The following TEX35 variants were observed in gnomAD, a reference collection of about 807,000 sequenced individuals.
The protein encoded by TEX35 is testis expressed 35.
A neutral mutation model predicts 31.9 loss-of-function variants in TEX35; 26 were observed. The observed-to-expected ratio is 0.81, with a 90% CI of 0.60 to 1.13. The LOEUF is 1.13. Ranked by LOEUF, TEX35 falls within the 50% of genes most tolerant of loss-of-function variation. The probability of loss-of-function intolerance (pLI) is 0.00; values close to 1 mark genes in which losing one functional copy is unlikely to be tolerated. For synonymous variants in TEX35, 87 were observed against 90.7 expected (o/e 0.96, Z 0.23); for missense variants, 278 against 273.5 (o/e 1.02, Z -0.12).
Position 178,517,089 on chromosome 1 carries a change from G to A in TEX35, c.276+415G>A, listed in dbSNP as rs190653994. ...CTAATAAAACAGAGCCTGGGCTCAT[G>A]TTCAGATGGTGCTGGGCCCTTGTAG... is the stretch of plus-strand genomic sequence containing the variant. On this transcript the variant is annotated intron_variant, in intron 5 of 8. Coordinates refer to ENST00000319416, the MANE Select transcript of TEX35 (RefSeq NM_032126.5). Among the ~76,000 whole-genome samples, 4 of 152,364 alleles carry A rather than the reference G, an allele frequency of 2.6e-5. No individual in the cohort carries two copies. The East Asian group carries it at 7.7e-4, about 29-fold the overall frequency.
chr1:178,518,612 TA>T (rs1314693008), intron 5 of TEX35, among the ~76,000 whole-genome samples: 3 of 151,784 alleles, frequency 2.0e-5, no homozygotes, highest in Non-Finnish European at 2.9e-5. Flanking sequence ...TCAGCTAGGT[TA>T]AAAAAAATAA....
intron 7 of TEX35, 158 bp downstream of exon 7, chr1:178,521,032 C>T (rs1189079087): frequency 1.9e-6 from 3 of 1,542,044 alleles, no homozygotes; most frequent in African/African-American, 1.4e-5. Context: ...CCTGACCTGC[C>T]TTGCCTTCTA....
chr1:178,516,368 C>A (rs760547846), intron 4 of TEX35, among the ~76,000 whole-genome samples: 4 of 152,234 alleles, frequency 2.6e-5, no homozygotes, highest in Non-Finnish European at 5.9e-5. Context: ...GTGGTTCAAG[C>A]TCCACATGCA....
chr1:178,516,361 G>T (rs1183195036), intron 4 of TEX35, among the ~76,000 whole-genome samples: 1 of 152,240 alleles, frequency 6.6e-6, no homozygotes, highest in Non-Finnish European at 1.5e-5. Context: ...CGAAGCTGTG[G>T]TTCAAGCTCC....
intron 2 of TEX35, among the ~76,000 whole-genome samples, chr1:178,514,421 G>T (rs1459435529): frequency 6.6e-6 from 1 of 152,214 alleles, no homozygotes; most frequent in Non-Finnish European, 1.5e-5. Context: ...AGCCTTCTAG[G>T]CAGAGGAGGC....
At position 178,520,009 on chromosome 1, in the gene TEX35, A is replaced by T. The variant is rs111676189; in HGVS notation, c.277-363A>T. Among the ~76,000 whole-genome samples the T allele has an allele frequency of 2.6e-3, 389 of 152,326 alleles. 1 individual carries two copies. The highest frequency in any genetic ancestry group is 4.7e-3 in the Non-Finnish European group (322 of 68,034). On this transcript the variant is annotated intron_variant, in intron 5 of 8. Coordinates refer to ENST00000319416, the MANE Select transcript of TEX35 (RefSeq NM_032126.5). Reference sequence around the variant, plus strand: ...TGCCAAGGGTCAAAACATTGCAGTCAAATTGTCTTTGGGGTCACAAGATTG... The same window carrying T: ...TGCCAAGGGTCAAAACATTGCAGTCTAATTGTCTTTGGGGTCACAAGATTG...
chr1:178,522,659 T>TC, downstream of TEX35: 1 of 1,251,596 alleles, frequency 8.0e-7, no homozygotes, highest in East Asian at 3.3e-5. Flanking sequence ...TCTTTTTTTT[T>TC]GGAATTTTAT....
intron 5 of TEX35, among the ~76,000 whole-genome samples, chr1:178,519,833 C>CT (rs897942915): frequency 1.3e-5 from 2 of 152,190 alleles, no homozygotes; most frequent in Non-Finnish European, 2.9e-5. Context: ...TAGATCAAAA[C>CT]TTTGTCAAGA....
rs956170906 is a variant in TEX35 at position 178,514,313 on chromosome 1, A to G, written c.90+236A>G. On this transcript the variant is annotated intron_variant, in intron 2 of 8. Coordinates refer to ENST00000319416, the MANE Select transcript of TEX35 (RefSeq NM_032126.5). ...CTGCTGGGAATCAAGACAGGGAGAC[A>G]TGTCTGAGTGGCTGCCGTGGAGTGG... 28 of 1,365,860 alleles carry G rather than the reference A, an allele frequency of 2.0e-5. No homozygotes were observed. The African/African-American group carries it at 4.1e-4, about 20-fold the overall frequency. 84.6% of individuals were successfully genotyped at this position (1,365,860 alleles called of 1,614,324 possible). A position where few individuals can be genotyped will look rare whatever the true frequency, so the allele number is the denominator to read the frequency against.
At chr1:178,521,523 C>A in intron 8 of TEX35, 2 of 1,253,718 alleles carry the variant, frequency 1.6e-6, no homozygotes, top group Non-Finnish European at 2.3e-6. Context: ...GCGGAACTGA[C>A]CTTGCCTCAG....
chr1:178,516,531 T>G, intron 4 of TEX35, 84 bp from the exon 5 acceptor site: 2 of 1,225,332 alleles, frequency 1.6e-6, no homozygotes, highest in Non-Finnish European at 2.4e-6. Flanking sequence ...CACTGCCCTT[T>G]GCTTAAAATG....
intron 1 of TEX35, 63 bp from the exon 2 acceptor site, chr1:178,513,964 C>CAGAT: frequency 6.3e-7 from 1 of 1,585,600 alleles, no homozygotes; most frequent in South Asian, 1.2e-5. Flanking sequence ...GTGCAAGGGC[C>CAGAT]AGATGTTCTC....
intron 6 of TEX35, 61 bp from the exon 7 acceptor site, chr1:178,520,612 C>T: frequency 6.3e-7 from 1 of 1,595,514 alleles, no homozygotes; most frequent in Non-Finnish European, 8.5e-7. Context: ...CTGGTTATCT[C>T]CTTGTCATGC....
At chr1:178,517,679 T>C (rs1300331914) in intron 5 of TEX35, among the ~76,000 whole-genome samples, 5 of 152,176 alleles carry the variant, frequency 3.3e-5, no homozygotes, top group African/African-American at 1.2e-4. Flanking sequence ...ATTTACAATA[T>C]GATAAAGGTG....
In TEX35 at chr1:178,522,583, T is replaced by G. The variant is rs1650325669; in HGVS notation, c.*143T>G. 3.0e-6 allele frequency: 4 copies of G among 1,336,766 alleles called. No individual in the cohort carries two copies. Among genetic ancestry groups the G allele is most frequent in the Admixed American group, 3.2e-5 (1 of 31,150 alleles). The allele number at this position is 1,336,766 out of a possible 1,614,324, so 82.8% of individuals were successfully genotyped here. A position where few individuals can be genotyped will look rare whatever the true frequency, so the allele number is the denominator to read the frequency against. ...GATTTCATATTTTATTTCACACCAG[T>G]TCCTCCTTGTTTCATCTCTTTGCTA... On this transcript the variant is annotated 3_prime_UTR_variant, in exon 9 of 9. Coordinates refer to ENST00000319416, the MANE Select transcript of TEX35 (RefSeq NM_032126.5).
intron 6 of TEX35, 116 bp downstream of exon 6, chr1:178,520,552 C>T (rs1650228998): frequency 6.3e-7 from 1 of 1,599,856 alleles, no homozygotes; most frequent in Non-Finnish European, 8.5e-7. Context: ...TGTCTTTGCT[C>T]CTACTGCCCC....
intron 5 of TEX35, among the ~76,000 whole-genome samples, chr1:178,517,294 AC>A: frequency 6.6e-6 from 1 of 152,358 alleles, no homozygotes; most frequent in East Asian, 1.9e-4. Context: ...GGGATAGATA[AC>A]GCCTCAACAG....
chr1:178,514,333 G>C, intron 2 of TEX35: 1 of 1,305,812 alleles, frequency 7.7e-7, no homozygotes, highest in Non-Finnish European at 1.0e-6. Flanking sequence ...GGCTGCCGTG[G>C]AGTGGGTGGT....
chr1:178,513,933 G>A (rs1649969909), intron 1 of TEX35, 94 bp from the exon 2 acceptor site: 2 of 1,450,736 alleles, frequency 1.4e-6, no homozygotes, highest in Non-Finnish European at 9.4e-7. Context: ...ATGGTTGTGG[G>A]GGGCAGGGGG....
Sources: gnomAD v4.1 joint callset for allele counts (sites outside exome capture counted in the v4.1 genomes callset) on GRCh38, gnomAD v4.1.1 for gene constraint, MANE v1.5 for transcripts, NCBI Gene and HGNC (gene_info 2026-07-23, HGNC 2026-07-21) for gene names.